The following SLC25A40 variants were observed in gnomAD, a reference collection of about 807,000 sequenced individuals.
SLC25A40 encodes solute carrier family 25 member 40.
SLC25A40 carries 41 observed loss-of-function variants against 46.5 expected under a neutral mutation model. The ratio of observed to expected loss-of-function variants is 0.88; its 90% CI spans 0.69 to 1.14. The LOEUF (loss-of-function observed/expected upper bound fraction) is 1.14, where lower values mean the gene tolerates loss of function less well. Ranked by LOEUF, SLC25A40 falls within the 50% of genes most tolerant of loss-of-function variation. The pLI is 0.00. For missense variants in SLC25A40, 386 were observed against 393.6 expected (o/e 0.98, Z 0.16); for synonymous variants, 126 against 127.5 (o/e 0.99, Z 0.08).
At chr7:87,846,091 C>T (rs1241239915) in intron 8 of SLC25A40, among the ~76,000 whole-genome samples, 2 of 152,040 alleles carry the variant, frequency 1.3e-5, no homozygotes, top group African/African-American at 4.8e-5. Flanking sequence ...ATGAAGAAAA[C>T]AGTTACATAT....
At chr7:87,843,726 A>G in intron 9 of SLC25A40, 28 bp downstream of exon 9, 3 of 1,495,570 alleles carry the variant, frequency 2.0e-6, no homozygotes, top group Non-Finnish European at 2.8e-6. Flanking sequence ...ATTCTTCTGG[A>G]ATATTAACAA....
intron 1 of SLC25A40, among the ~76,000 whole-genome samples, chr7:87,870,672 A>G (rs1422643890): frequency 6.6e-6 from 1 of 152,202 alleles, no homozygotes; most frequent in Non-Finnish European, 1.5e-5. Flanking sequence ...AATGTCTGAG[A>G]GAAGCAGCTT....
chr7:87,851,715 G>A (rs1436998935), intron 5 of SLC25A40, among the ~76,000 whole-genome samples: 1 of 152,180 alleles, frequency 6.6e-6, no homozygotes, highest in African/African-American at 2.4e-5. Flanking sequence ...CACACTGTGT[G>A]TCAATAGAGG....
chr7:87,872,702 T>C (rs1838912701), intron 1 of SLC25A40, among the ~76,000 whole-genome samples: 1 of 152,194 alleles, frequency 6.6e-6, no homozygotes, highest in African/African-American at 2.4e-5. Flanking sequence ...TGGCTCACGC[T>C]TGTAATCCTA....
chr7:87,850,751 A>C (rs1838495009), intron 5 of SLC25A40, among the ~76,000 whole-genome samples: 1 of 151,990 alleles, frequency 6.6e-6, no homozygotes, highest in South Asian at 2.1e-4. Flanking sequence ...CCTGGGCAAC[A>C]GAGTGAGACC....
intron 1 of SLC25A40, among the ~76,000 whole-genome samples, chr7:87,867,058 C>T (rs116583499): frequency 8.4e-4 from 128 of 152,304 alleles, no homozygotes; most frequent in African/African-American, 3.0e-3. Context: ...GGGTGGTGTG[C>T]GGCTGGTTTT....
At chr7:87,851,352 A>T (rs1218400141) in intron 5 of SLC25A40, among the ~76,000 whole-genome samples, 1 of 152,228 alleles carries the variant, frequency 6.6e-6, no homozygotes, top group African/African-American at 2.4e-5. Flanking sequence ...CAGCTACGGG[A>T]ACCCTAGTAA....
At chr7:87,858,852 C>A in intron 2 of SLC25A40, 101 bp from the exon 3 acceptor site, 2 of 660,246 alleles carry the variant, frequency 3.0e-6, no homozygotes, top group Non-Finnish European at 5.3e-6. Context: ...ATTAGTAAGA[C>A]AACTAAGAGA....
At chr7:87,849,101 A>G (rs182887074) in intron 6 of SLC25A40, among the ~76,000 whole-genome samples, 1 of 152,346 alleles carries the variant, frequency 6.6e-6, no homozygotes, top group African/African-American at 2.4e-5. Flanking sequence ...TGGAGAAAGG[A>G]AAGTATACAT....
At chr7:87,862,770 A>C (rs973044530) in intron 1 of SLC25A40, among the ~76,000 whole-genome samples, 5 of 152,206 alleles carry the variant, frequency 3.3e-5, no homozygotes, top group Non-Finnish European at 7.3e-5. Flanking sequence ...ATGCCTGGGG[A>C]GGCCTCACAA....
chr7:87,859,040 T>C (rs1838657166), intron 2 of SLC25A40, among the ~76,000 whole-genome samples: 1 of 152,154 alleles, frequency 6.6e-6, no homozygotes, highest in Non-Finnish European at 1.5e-5. Context: ...TAAAAACACA[T>C]AACCTTAATA....
rs986279517 is a variant in SLC25A40 at position 87,835,745 on chromosome 7, A to T, written c.*504T>A. The T allele has an allele frequency of 6.6e-6, 1 of 151,952 alleles. No homozygotes were observed. Among genetic ancestry groups the T allele is most frequent in the Non-Finnish European group, 1.5e-5 (1 of 67,944 alleles). 9.4% of individuals were successfully genotyped at this position (151,952 alleles called of 1,614,324 possible). Reference sequence around the variant, plus strand: ...GGGAGGCGGGAACCTAATGCATTTGAATTAAAGGAAACAGGCAATATTTGG... The same window carrying T: ...GGGAGGCGGGAACCTAATGCATTTGTATTAAAGGAAACAGGCAATATTTGG... On this transcript the variant is annotated 3_prime_UTR_variant, in exon 12 of 12. Transcript: ENST00000341119.
Position 87,836,150 on chromosome 7 carries a change from C to A in SLC25A40, c.*99G>T. The A allele has an allele frequency of 1.6e-6, 1 of 616,972 alleles. No homozygotes were observed. The highest frequency in any genetic ancestry group is 2.8e-6 in the Non-Finnish European group (1 of 359,392). 38.2% of individuals were successfully genotyped at this position (616,972 alleles called of 1,614,324 possible). ...TTATTTAAATTATAGGAAAGAAAGA[C>A]ATAAAATCATTGTGAGAGAATAATG... On this transcript the variant is annotated 3_prime_UTR_variant, in exon 12 of 12. Coordinates refer to ENST00000341119, the MANE Select transcript of SLC25A40 (RefSeq NM_018843.4).
At position 87,866,907 on chromosome 7, in the gene SLC25A40, T is replaced by C. The variant is rs543686382; in HGVS notation, c.-93-6267A>G. On this transcript the variant is annotated intron_variant, in intron 1 of 11. Transcript: ENST00000341119. ...ATCTTCCCTAAGAACAAAGAGCTTG[T>C]AAACCAATAAATTGGGTGGAGCCCA... Among the ~76,000 whole-genome samples the C allele has an allele frequency of 2.6e-5, 4 of 152,366 alleles. No homozygotes were observed. In the South Asian group the frequency reaches 6.2e-4, roughly 24 times the overall value.
Position 87,835,889 on chromosome 7 carries a change from A to T in SLC25A40, c.*360T>A, listed in dbSNP as rs182279024. The T allele has an allele frequency of 2.6e-3, 459 of 173,678 alleles. 1 individual carries two copies. The highest frequency in any genetic ancestry group is 5.3e-3 in the Middle Eastern group (2 of 380). 10.8% of individuals were successfully genotyped at this position (173,678 alleles called of 1,614,324 possible). A position where few individuals can be genotyped will look rare whatever the true frequency, so the allele number is the denominator to read the frequency against. The stretch of plus-strand genomic sequence containing the variant: ...GGCTTTTTTCTTCTAGACTATGTAC[A>T]TCATTCAGCACACAATTCAAAAAGT... On this transcript the variant is annotated 3_prime_UTR_variant, in exon 12 of 12. Coordinates refer to ENST00000341119, the MANE Select transcript of SLC25A40 (RefSeq NM_018843.4).
chr7:87,847,131 A>T lies in SLC25A40; in HGVS notation c.458-9T>A, dbSNP rs767419218. On this transcript the variant is annotated splice_polypyrimidine_tract_variant and intron_variant, in intron 7 of 11. Transcript: ENST00000341119. ...CACAGTTACTGCACCAACTAATACA[A>T]ACAAGTTAAAAAAAAGAAAACAAAA... is the stretch of plus-strand genomic sequence containing the variant. 3.8e-6 allele frequency: 6 copies of T among 1,566,056 alleles called. No homozygotes were observed. Among genetic ancestry groups the T allele is most frequent in the Non-Finnish European group, 5.2e-6 (6 of 1,156,216 alleles).
chr7:87,838,326 C>T (rs548138888), intron 10 of SLC25A40, among the ~76,000 whole-genome samples: 34 of 151,296 alleles, frequency 2.2e-4, no homozygotes, highest in Non-Finnish European at 4.3e-4. Flanking sequence ...AACTCATGCC[C>T]CAAACTAGTT....
chr7:87,866,543 T>C (rs1838801621), intron 1 of SLC25A40, among the ~76,000 whole-genome samples: 1 of 152,218 alleles, frequency 6.6e-6, no homozygotes, highest in African/African-American at 2.4e-5. Flanking sequence ...GCCAGTTGAG[T>C]TGGTTTCCCC....
intron 5 of SLC25A40, 105 bp downstream of exon 5, chr7:87,854,098 GT>G: frequency 1.3e-6 from 1 of 758,112 alleles, no homozygotes; most frequent in Non-Finnish European, 2.2e-6. Context: ...GTAGTTCCCT[GT>G]TCTCAGTTTA....
Sources: allele counts gnomAD v4.1 joint callset (sites outside exome capture counted in the v4.1 genomes callset), GRCh38; gene constraint gnomAD v4.1.1; transcripts MANE v1.5; gene names NCBI Gene and HGNC (gene_info 2026-07-23, HGNC 2026-07-21).